Variants in SLIT3 observed in about 807,000 individuals in gnomAD.
SLIT3 encodes slit homolog 3 protein.
Under a neutral mutation model 184.0 loss-of-function variants are expected in SLIT3, and 68 were observed. The observed-to-expected ratio is 0.37, with a 90% CI of 0.30 to 0.45. The LOEUF is 0.45. SLIT3 is among the 20% of genes least tolerant of loss of function. The pLI is 1.00. For missense variants in SLIT3, 1,707 were observed against 2,026.0 expected (o/e 0.84, Z 3.02); for synonymous variants, 831 against 828.6 (o/e 1.00, Z -0.05).
chr5:169,261,066 G>A (rs62376922), intron 1 of SLIT3, among the ~76,000 whole-genome samples: 5 of 152,272 alleles, frequency 3.3e-5, no homozygotes, highest in East Asian at 3.9e-4. Context: ...CTTTATTTAC[G>A]AAGACAGACT....
intron 18 of SLIT3, among the ~76,000 whole-genome samples, chr5:168,751,175 G>C (rs934651404): frequency 1.5e-4 from 22 of 148,152 alleles, no homozygotes; most frequent in African/African-American, 4.5e-4. Flanking sequence ...GGGACAGGCA[G>C]GGCATGAGGG....
At chr5:169,038,478 AG>A (rs1757334417) in intron 4 of SLIT3, among the ~76,000 whole-genome samples, 1 of 152,232 alleles carries the variant, frequency 6.6e-6, no homozygotes, top group Non-Finnish European at 1.5e-5. Flanking sequence ...TACAAAAGGA[AG>A]ACCTATACTT....
chr5:169,292,981 T>A (rs1767401643), intron 1 of SLIT3, among the ~76,000 whole-genome samples: 1 of 152,092 alleles, frequency 6.6e-6, no homozygotes, highest in African/African-American at 2.4e-5. Context: ...AGAAGTCAAA[T>A]AAAACAGTGA....
intron 6 of SLIT3, among the ~76,000 whole-genome samples, chr5:168,831,030 CACAG>C (rs10607223): frequency 0.11 from 16,379 of 147,996 alleles, 1,129 homozygotes; most frequent in African/African-American, 0.2. Context: ...GACAGCTCAG[CACAG>C]ACAGTGAGGG....
intron 4 of SLIT3, among the ~76,000 whole-genome samples, chr5:169,167,936 C>T (rs1033687188): frequency 1.3e-5 from 2 of 152,210 alleles, no homozygotes; most frequent in African/African-American, 2.4e-5. Flanking sequence ...CCCGTTTCCC[C>T]TTACTCCTCC....
intron 4 of SLIT3, among the ~76,000 whole-genome samples, chr5:168,898,819 G>A (rs540870044): frequency 1.8e-4 from 28 of 152,102 alleles, no homozygotes; most frequent in South Asian, 1.3e-3. Flanking sequence ...ACCTGCAAAC[G>A]CCCTCACTTT....
chr5:168,977,336 T>C (rs1363436309), intron 4 of SLIT3, among the ~76,000 whole-genome samples: 1 of 152,172 alleles, frequency 6.6e-6, no homozygotes, highest in Non-Finnish European at 1.5e-5. Context: ...CAGACTCCAG[T>C]GAGACATGGA....
chr5:169,251,613 A>G (rs374203969), intron 1 of SLIT3, among the ~76,000 whole-genome samples, 154 bp from the exon 2 acceptor site: 1 of 152,208 alleles, frequency 6.6e-6, no homozygotes, highest in African/African-American at 2.4e-5. Context: ...GCTAACCTTA[A>G]GGATATTGTA....
chr5:168,671,112 C>A lies in SLIT3; in HGVS notation c.4127+86G>T. ...GGTCTGACTGCAACTCCTCCAGCCT[C>A]CAGTAGTGCCTATTTCTCAGGTGGG... On this transcript the variant is annotated intron_variant, in intron 34 of 35. Transcript: ENST00000519560. 3 of 1,450,050 alleles carry A rather than the reference C, an allele frequency of 2.1e-6. No homozygotes were observed. The Admixed American group carries it at 5.4e-5, about 26-fold the overall frequency. The allele number at this position is 1,450,050 out of a possible 1,614,324, so 89.8% of individuals were successfully genotyped here. A position where few individuals can be genotyped will look rare whatever the true frequency, so the allele number is the denominator to read the frequency against.
intron 4 of SLIT3, among the ~76,000 whole-genome samples, chr5:168,935,659 G>A (rs553177675): frequency 6.6e-6 from 1 of 152,334 alleles, no homozygotes; most frequent in South Asian, 2.1e-4. Context: ...CAAAAGGGAA[G>A]TTTGAGTGCA....
At chr5:169,042,175 T>C (rs1222398674) in intron 4 of SLIT3, among the ~76,000 whole-genome samples, 1 of 152,144 alleles carries the variant, frequency 6.6e-6, no homozygotes, top group Non-Finnish European at 1.5e-5. Context: ...AGAATCACAC[T>C]TCCAGACAGT....
At chr5:169,137,335 C>CAGAGAGAGAGAGAGAG (rs1554101372) in intron 4 of SLIT3, among the ~76,000 whole-genome samples, 37 of 138,620 alleles carry the variant, frequency 2.7e-4, no homozygotes, top group African/African-American at 4.2e-4. Flanking sequence ...CACACACACA[C>CAGAGAGAGAGAGAGAG]AGAGAGAGAG....
intron 4 of SLIT3, among the ~76,000 whole-genome samples, chr5:169,151,010 C>A (rs1252593787): frequency 6.6e-6 from 1 of 151,836 alleles, no homozygotes; most frequent in East Asian, 1.9e-4. Flanking sequence ...AGCTGGACTT[C>A]CAGATAAGAA....
intron 3 of SLIT3, among the ~76,000 whole-genome samples, chr5:169,241,475 A>C (rs1405498399): frequency 6.6e-6 from 1 of 152,138 alleles, no homozygotes; most frequent in Non-Finnish European, 1.5e-5. Context: ...AGATGTTGAG[A>C]TATTCCTATA....
chr5:169,283,759 A>G (rs1767067274), intron 1 of SLIT3, among the ~76,000 whole-genome samples: 1 of 152,258 alleles, frequency 6.6e-6, no homozygotes, highest in South Asian at 2.1e-4. Flanking sequence ...ATCATTCAGA[A>G]GAAATATGCC....
chr5:168,773,995 T>C (rs532074904), intron 13 of SLIT3, among the ~76,000 whole-genome samples: 84 of 152,282 alleles, frequency 5.5e-4, no homozygotes, highest in Admixed American at 9.2e-4. Flanking sequence ...CAGCACCAAG[T>C]AGGGTCACTG....
At chr5:169,210,986 T>A (rs1764247142) in intron 3 of SLIT3, among the ~76,000 whole-genome samples, 1 of 152,186 alleles carries the variant, frequency 6.6e-6, no homozygotes, top group Non-Finnish European at 1.5e-5. Flanking sequence ...AGATTTTAAA[T>A]GTGCTTGAGT....
intron 3 of SLIT3, among the ~76,000 whole-genome samples, chr5:169,237,477 G>T (rs1765242751): frequency 6.6e-6 from 1 of 152,122 alleles, no homozygotes; most frequent in Admixed American, 6.5e-5. Flanking sequence ...TTTTTAAAAA[G>T]CTGCTAAACT....
chr5:168,986,829 G>C (rs1025253578), intron 4 of SLIT3, among the ~76,000 whole-genome samples: 3 of 152,170 alleles, frequency 2.0e-5, no homozygotes, highest in Admixed American at 1.3e-4. Flanking sequence ...ACATTAATGA[G>C]ATACATATAT....
Sources: gnomAD v4.1 joint callset for allele counts (sites outside exome capture counted in the v4.1 genomes callset) on GRCh38, gnomAD v4.1.1 for gene constraint, MANE v1.5 for transcripts, NCBI Gene and HGNC (gene_info 2026-07-23, HGNC 2026-07-21) for gene names.